Variants in STYXL2 observed in about 807,000 individuals in gnomAD.
STYXL2 encodes the protein serine/threonine/tyrosine interacting like 2.
Under a neutral mutation model 52.4 loss-of-function variants are expected in STYXL2, and 44 were observed. The observed-to-expected ratio is 0.84, with a 90% CI of 0.66 to 1.08. The LOEUF (loss-of-function observed/expected upper bound fraction) is 1.08, where lower values mean the gene tolerates loss of function less well. STYXL2 is among the 50% of genes least tolerant of loss of function. The probability of loss-of-function intolerance (pLI) is 0.00; values close to 1 mark genes in which losing one functional copy is unlikely to be tolerated. For missense variants in STYXL2, 1,604 were observed against 1,471.7 expected (o/e 1.09, Z -1.47); for synonymous variants, 604 against 586.9 (o/e 1.03, Z -0.42).
At position 167,128,821 on chromosome 1, in the gene STYXL2, A is replaced by T; in HGVS notation, c.*213A>T. 1.5e-6 allele frequency: 1 copy of T among 687,258 alleles called. No individual in the cohort carries two copies. The highest frequency in any genetic ancestry group is 2.2e-6 in the Non-Finnish European group (1 of 445,472). The allele number at this position is 687,258 out of a possible 1,614,324, so 42.6% of individuals were successfully genotyped here. A position where few individuals can be genotyped will look rare whatever the true frequency, so the allele number is the denominator to read the frequency against. ...ACCATCAATACGAATACGAGGTCCG[A>T]ATGCGGACCAACTGATACCATTTTC... On this transcript the variant is annotated 3_prime_UTR_variant, in exon 6 of 6. Transcript: ENST00000361200.
intron 5 of STYXL2, among the ~76,000 whole-genome samples, chr1:167,121,048 G>A (rs949803900): frequency 4.2e-5 from 6 of 142,084 alleles, no homozygotes; most frequent in Non-Finnish European, 7.5e-5. Context: ...TCTCGCTCTT[G>A]TCGCCCAGTC....
intron 5 of STYXL2, among the ~76,000 whole-genome samples, chr1:167,122,813 G>A (rs1401648426): frequency 2.0e-5 from 3 of 152,098 alleles, no homozygotes; most frequent in South Asian, 2.1e-4. Flanking sequence ...TTCCAGGCAC[G>A]CACCACTACT....
chr1:167,128,716 C>A lies in STYXL2; in HGVS notation c.*108C>A. On this transcript the variant is annotated 3_prime_UTR_variant, in exon 6 of 6. Coordinates refer to ENST00000361200, the MANE Select transcript of STYXL2 (RefSeq NM_001080426.3). ...GGATGAGGATACAGAGAGGATCTTC[C>A]AGAGGGGCAGAGCCAAAATGAGAGG... The A allele has an allele frequency of 6.9e-7, 1 of 1,444,938 alleles. No homozygotes were observed. 89.5% of individuals were successfully genotyped at this position (1,444,938 alleles called of 1,614,324 possible).
chr1:167,114,269 G>A (rs975208787), intron 3 of STYXL2, among the ~76,000 whole-genome samples: 6 of 152,168 alleles, frequency 3.9e-5, no homozygotes, highest in African/African-American at 1.2e-4. Flanking sequence ...TATTCAATAT[G>A]TTAATATTTA....
At chr1:167,108,831 C>A (rs1287970475) in intron 2 of STYXL2, among the ~76,000 whole-genome samples, 1 of 152,114 alleles carries the variant, frequency 6.6e-6, no homozygotes, top group Non-Finnish European at 1.5e-5. Context: ...ATGAGATAGC[C>A]AAAAAACTGT....
At chr1:167,111,513 T>TATATATATAC (rs1211215448) in intron 2 of STYXL2, among the ~76,000 whole-genome samples, 2 of 50,122 alleles carry the variant, frequency 4.0e-5, no homozygotes, top group Non-Finnish European at 6.5e-5. Flanking sequence ...TATATATATA[T>TATATATATAC]ACACACACAC....
At chr1:167,120,947 T>TAC (rs1490954135) in intron 5 of STYXL2, among the ~76,000 whole-genome samples, 2 of 150,188 alleles carry the variant, frequency 1.3e-5, no homozygotes, top group Non-Finnish European at 3.0e-5. Flanking sequence ...TATACATATA[T>TAC]ACACACATAC....
At chr1:167,115,476 T>A (rs905580853) in intron 3 of STYXL2, among the ~76,000 whole-genome samples, 1 of 151,938 alleles carries the variant, frequency 6.6e-6, no homozygotes, top group Non-Finnish European at 1.5e-5. Context: ...AAAGCAGGAG[T>A]TGCCATCAGG....
At chr1:167,105,749 C>T (rs1291740881) in intron 2 of STYXL2, among the ~76,000 whole-genome samples, 2 of 152,212 alleles carry the variant, frequency 1.3e-5, no homozygotes, top group East Asian at 1.9e-4. Flanking sequence ...AGGTTTACAT[C>T]TCCCCCTCAT....
intron 5 of STYXL2, among the ~76,000 whole-genome samples, chr1:167,119,802 C>T (rs1353553739): frequency 1.3e-5 from 2 of 152,156 alleles, no homozygotes; most frequent in East Asian, 1.9e-4. Context: ...CTAACTAGAA[C>T]AATGTGCTAG....
chr1:167,094,945 C>T lies in STYXL2; in HGVS notation c.96C>T (p.Ser32=), dbSNP rs1315393885. The change falls in exon 2 of 6, where the codon AGC becomes AGT. Residue 32 remains serine, a synonymous_variant. Coordinates refer to ENST00000361200, the MANE Select transcript of STYXL2 (RefSeq NM_001080426.3). ...VRAVQAHYLR[S]PSPSQYSMVS... ...CGGTGCAGGCCCACTACCTCCGAAG[C>T]CCCTCCCCTAGCCAGTAAGTGACCA... 2 of 1,605,420 alleles carry T rather than the reference C, an allele frequency of 1.2e-6. No homozygotes were observed. The highest frequency in any genetic ancestry group is 1.1e-5 in the South Asian group (1 of 89,080).
chr1:167,105,657 C>A (rs893479657), intron 2 of STYXL2, among the ~76,000 whole-genome samples: 1 of 152,210 alleles, frequency 6.6e-6, no homozygotes, highest in South Asian at 2.1e-4. Context: ...GGAAAACAAG[C>A]GTCCGTTTTA....
intron 2 of STYXL2, among the ~76,000 whole-genome samples, chr1:167,101,227 C>T (rs573213144): frequency 3.3e-5 from 5 of 152,218 alleles, no homozygotes; most frequent in East Asian, 3.9e-4. Context: ...TGAAAAGATG[C>T]TCAAAATCCT....
intron 2 of STYXL2, among the ~76,000 whole-genome samples, chr1:167,109,068 G>A (rs1199146219): frequency 1.7e-4 from 26 of 152,214 alleles, no homozygotes; most frequent in Admixed American, 1.7e-3. Flanking sequence ...GGGTCCTTGG[G>A]GAGGGCAGCC....
chr1:167,120,466 T>C (rs551543305), intron 5 of STYXL2, among the ~76,000 whole-genome samples: 8 of 152,232 alleles, frequency 5.3e-5, no homozygotes, highest in African/African-American at 1.7e-4. Flanking sequence ...AATAACTCCC[T>C]TGGGACAACA....
At chr1:167,124,946 T>TAAAAAAA (rs10531474) in intron 5 of STYXL2, among the ~76,000 whole-genome samples, 1 of 129,698 alleles carries the variant, frequency 7.7e-6, no homozygotes, top group African/African-American at 2.8e-5. Flanking sequence ...TACAAACTCC[T>TAAAAAAA]AAAAAAAAAA....
chr1:167,108,481 G>A (rs1023880572), intron 2 of STYXL2, among the ~76,000 whole-genome samples: 8 of 152,148 alleles, frequency 5.3e-5, no homozygotes, highest in Middle Eastern at 3.4e-3. Context: ...GCATCTTTTC[G>A]TCACAGAAAA....
chr1:167,099,034 G>T (rs968702194), intron 2 of STYXL2, among the ~76,000 whole-genome samples: 1 of 152,072 alleles, frequency 6.6e-6, no homozygotes, highest in Non-Finnish European at 1.5e-5. Flanking sequence ...GCAAGCCAGT[G>T]AAGCAGATTT....
At chr1:167,109,915 G>A (rs1229545103) in intron 2 of STYXL2, among the ~76,000 whole-genome samples, 1 of 152,208 alleles carries the variant, frequency 6.6e-6, no homozygotes, top group African/African-American at 2.4e-5. Context: ...ACCAGCATTT[G>A]AGAAAACGAG....
Sources: allele counts gnomAD v4.1 joint callset (sites outside exome capture counted in the v4.1 genomes callset), GRCh38; gene constraint gnomAD v4.1.1; transcripts MANE v1.5; gene names NCBI Gene and HGNC (gene_info 2026-07-23, HGNC 2026-07-21).